HPGDS: variants seen among roughly 807,000 people sequenced by gnomAD.
HPGDS encodes GST class-sigma.
In HPGDS, 26 loss-of-function variants were observed where a neutral mutation model predicts 23.1. The ratio of observed to expected loss-of-function variants is 1.13; its 90% CI spans 0.83 to 1.56. HPGDS has a LOEUF of 1.56. Among genes scored for constraint, HPGDS ranks in the 40% most tolerant of loss-of-function variants. HPGDS has a pLI of 0.00. For missense variants in HPGDS, 268 were observed against 236.4 expected, an observed-to-expected ratio of 1.13 and a Z score of -0.88; for synonymous variants, 95 against 77.9, an observed-to-expected ratio of 1.22 and a Z score of -1.16.
chr4:94,340,317 T>TCTTTC (rs1560598066), intron 1 of HPGDS, among the ~76,000 whole-genome samples: 35 of 16,492 alleles, frequency 2.1e-3, no homozygotes, highest in East Asian at 5.7e-3. Context: ...TTCTCTTTTT[T>TCTTTC]TTTTTTTTTT....
rs138907282 is a variant in HPGDS, at chr4:94,304,809, G to A, written c.337-2565C>T. On this transcript the variant is annotated intron_variant, in intron 4 of 5. Transcript: ENST00000295256. The stretch of plus-strand genomic sequence containing the variant: ...GTTGTTATTCTAATACAAAGGTAGA[G>A]TGTTACTCTTATCATAAATGTTCGA... Among the ~76,000 whole-genome samples, 1,145 of 152,168 alleles carry A rather than the reference G, an allele frequency of 7.5e-3. 7 individuals are homozygous for A. The highest frequency in any genetic ancestry group is 0.026 in the African/African-American group (1,069 of 41,524).
chr4:94,332,362 A>C (rs953255452), intron 2 of HPGDS, among the ~76,000 whole-genome samples: 12 of 152,230 alleles, frequency 7.9e-5, no homozygotes, highest in African/African-American at 2.7e-4. Context: ...ACAGGGAACC[A>C]AAAAAGGCTG....
intron 3 of HPGDS, among the ~76,000 whole-genome samples, chr4:94,309,249 T>C (rs1046435549): frequency 4.6e-5 from 7 of 151,412 alleles, no homozygotes; most frequent in African/African-American, 1.7e-4. Context: ...TAGGTATATC[T>C]CCTAATGCTA....
intron 3 of HPGDS, among the ~76,000 whole-genome samples, chr4:94,317,417 A>G (rs1756419509): frequency 6.6e-6 from 1 of 152,180 alleles, no homozygotes; most frequent in Non-Finnish European, 1.5e-5. Flanking sequence ...GATGGCACTG[A>G]GTGGAAGCAA....
Position 94,334,504 on chromosome 4 carries a change from G to GT in HPGDS, c.125_126insA (p.Lys43GlnfsTer15), listed in dbSNP as rs1360140600. The stretch of plus-strand genomic sequence containing the variant: ...ATTATTTTTGCTACTTACTTGATTT[G>GT]ATTTCAGGCCAGTCAGCTTGTTCTA... On this transcript the variant is annotated frameshift_variant, in exon 2 of 6. Coordinates refer to ENST00000295256, the MANE Select transcript of HPGDS (RefSeq NM_014485.3). LOFTEE classifies it high-confidence loss of function. 1.9e-6 allele frequency: 3 copies of GT among 1,589,422 alleles called. No individual in the cohort carries two copies. Among genetic ancestry groups the GT allele is most frequent in the Non-Finnish European group, 2.6e-6 (3 of 1,169,996 alleles).
intron 4 of HPGDS, chr4:94,304,069 ATCCTAGATAGCCAC>A (rs1031018622): frequency 2.0e-5 from 3 of 151,958 alleles, no homozygotes; most frequent in Non-Finnish European, 4.4e-5. Flanking sequence ...TTCCTGATCC[ATCCTAGATAGCCAC>A]TCCTTTACTT....
At chr4:94,310,654 T>C (rs1426562937) in intron 3 of HPGDS, among the ~76,000 whole-genome samples, 1 of 152,210 alleles carries the variant, frequency 6.6e-6, no homozygotes, top group Non-Finnish European at 1.5e-5. Flanking sequence ...TAAAGTAGTT[T>C]TTTTCCAATT....
At chr4:94,323,038 A>T (rs2126042062) in intron 2 of HPGDS, among the ~76,000 whole-genome samples, 1 of 152,304 alleles carries the variant, frequency 6.6e-6, no homozygotes. Context: ...GTCATTCAGG[A>T]GCAGGTTGTT....
chr4:94,317,192 G>T, intron 3 of HPGDS, among the ~76,000 whole-genome samples: 1 of 152,250 alleles, frequency 6.6e-6, no homozygotes, highest in Admixed American at 6.5e-5. Flanking sequence ...CAGATTGATT[G>T]AAAGAAACGA....
chr4:94,340,269 C>A, intron 1 of HPGDS, among the ~76,000 whole-genome samples: 3 of 36,002 alleles, frequency 8.3e-5, no homozygotes. Flanking sequence ...ACCTTTCTTT[C>A]TTTCTTTCTT....
intron 3 of HPGDS, among the ~76,000 whole-genome samples, chr4:94,310,494 ATC>A (rs1756242163): frequency 2.0e-5 from 3 of 152,144 alleles, no homozygotes; most frequent in Admixed American, 2.0e-4. Flanking sequence ...GTCTGCCTAT[ATC>A]TCTGTTTTGG....
chr4:94,331,714 A>T (rs753752609), intron 2 of HPGDS, among the ~76,000 whole-genome samples: 1 of 152,158 alleles, frequency 6.6e-6, no homozygotes. Flanking sequence ...CACCTTTATT[A>T]TAGCATTGTG....
chr4:94,313,563 C>T (rs952079446), intron 3 of HPGDS, among the ~76,000 whole-genome samples: 27 of 152,254 alleles, frequency 1.8e-4, no homozygotes, highest in African/African-American at 6.3e-4. Context: ...CTTTGGCTGC[C>T]CTTAACATTT....
chr4:94,313,158 G>A (rs1756315761), intron 3 of HPGDS, among the ~76,000 whole-genome samples: 1 of 152,130 alleles, frequency 6.6e-6, no homozygotes. Context: ...ATATTGTTAT[G>A]TGTGAATTTG....
chr4:94,323,807 T>C (rs1230286842), intron 2 of HPGDS, among the ~76,000 whole-genome samples: 1 of 152,204 alleles, frequency 6.6e-6, no homozygotes, highest in Non-Finnish European at 1.5e-5. Context: ...CCAGTCATTA[T>C]ATTAGCTGGT....
At chr4:94,327,280 G>C (rs1287008453) in intron 2 of HPGDS, among the ~76,000 whole-genome samples, 1 of 152,156 alleles carries the variant, frequency 6.6e-6, no homozygotes, top group Non-Finnish European at 1.5e-5. Flanking sequence ...TGGTGGAGTA[G>C]GTTGATCCTC....
chr4:94,322,474 T>C (rs1187831308), intron 2 of HPGDS, among the ~76,000 whole-genome samples: 1 of 152,240 alleles, frequency 6.6e-6, no homozygotes, highest in Non-Finnish European at 1.5e-5. Flanking sequence ...TTCAACTTCT[T>C]CCTGGTTTAT....
At position 94,336,187 on chromosome 4, in the gene HPGDS, C is replaced by T. The variant is rs188363570; in HGVS notation, c.-9-1549G>A. On this transcript the variant is annotated intron_variant, in intron 1 of 5. Coordinates refer to ENST00000295256, the MANE Select transcript of HPGDS (RefSeq NM_014485.3). ...CGCCACTGCACTCCAGACTGGGCAG[C>T]AGAGTGAGACGCCGTCTCAAAAAAA... Among the ~76,000 whole-genome samples the T allele has an allele frequency of 2.2e-3, 312 of 142,450 alleles. 1 individual carries two copies. The Middle Eastern group carries it at 0.035, about 16-fold the overall frequency. 93.5% of individuals were successfully genotyped at this position (142,450 alleles called of 152,430 possible). A position where few individuals can be genotyped will look rare whatever the true frequency, so the allele number is the denominator to read the frequency against.
chr4:94,340,305 CTTTCTCTTTTTTTTTTTTT>C (rs1721121027), intron 1 of HPGDS, among the ~76,000 whole-genome samples: 3 of 26,200 alleles, frequency 1.1e-4, no homozygotes, highest in African/African-American at 2.9e-4. Flanking sequence ...TTCTTTCTTT[CTTTCTCTTTTTTTTTTTTT>C]TTTTTTTTTT....
Sources: gnomAD v4.1 joint callset for allele counts (sites outside exome capture counted in the v4.1 genomes callset) on GRCh38, gnomAD v4.1.1 for gene constraint, MANE v1.5 for transcripts, NCBI Gene and HGNC (gene_info 2026-07-23, HGNC 2026-07-21) for gene names.